UBE2E3: variants seen among roughly 807,000 people sequenced by gnomAD.
UBE2E3 encodes ubiquitin conjugating enzyme E2 E3.
UBE2E3 carries 5 observed loss-of-function variants against 23.6 expected under a neutral mutation model. That is an observed-to-expected ratio of 0.21 (90% confidence interval 0.11 to 0.44). UBE2E3 has a LOEUF of 0.44. UBE2E3 is among the 20% of genes least tolerant of loss of function. The probability of loss-of-function intolerance (pLI) is 0.99; values close to 1 mark genes in which losing one functional copy is unlikely to be tolerated. For synonymous variants in UBE2E3, 78 were observed against 87.5 expected (o/e 0.89, Z 0.60); for missense variants, 81 against 249.8 (o/e 0.32, Z 4.55).
intron 3 of UBE2E3, among the ~76,000 whole-genome samples, chr2:181,019,580 T>A (rs1685608265): frequency 6.6e-6 from 1 of 152,184 alleles, no homozygotes; most frequent in Non-Finnish European, 1.5e-5. Context: ...CATTTGTAAT[T>A]ATCTCAAAAA....
In UBE2E3 at chr2:181,041,234, C is replaced by CAAAAAAAAAAAAAAAAAAAAA. The variant is rs1206207155; in HGVS notation, c.246-16440_246-16439insAAAAAAAAAAAAAAAAAAAAA. 3.4e-4 allele frequency among the ~76,000 whole-genome samples: 26 copies of CAAAAAAAAAAAAAAAAAAAAA among 77,162 alleles called. 3 individuals are homozygous for CAAAAAAAAAAAAAAAAAAAAA. Among genetic ancestry groups the CAAAAAAAAAAAAAAAAAAAAA allele is most frequent in the Admixed American group, 6.7e-4 (4 of 6,004 alleles). The allele number at this position is 77,162 out of a possible 152,430, so 50.6% of individuals were successfully genotyped here. A position where few individuals can be genotyped will look rare whatever the true frequency, so the allele number is the denominator to read the frequency against. Reference sequence around the variant, plus strand: ...CTAACGACAGAGCAAGACTCCGTCTCAAAAAAAAAAAAAAAAAAAGATAGA... The same window carrying CAAAAAAAAAAAAAAAAAAAAA: ...CTAACGACAGAGCAAGACTCCGTCTCAAAAAAAAAAAAAAAAAAAAAAAAAAAAAAAAAAAAAAAAGATAGA... On this transcript the variant is annotated intron_variant, in intron 3 of 5. Transcript: ENST00000410062.
rs963231931 is a variant in UBE2E3, at chr2:180,988,045, A to C, written c.245+3952A>C. On this transcript the variant is annotated intron_variant, in intron 3 of 5. Transcript: ENST00000410062. ...TGTTATTACCTTAGATACATTTTGG[A>C]ATATTTCGGTTCTTCTCCTCAGTTG... 9.2e-5 allele frequency among the ~76,000 whole-genome samples: 14 copies of C among 152,244 alleles called. 1 individual carries two copies. Among genetic ancestry groups the C allele is most frequent in the Admixed American group, 9.2e-4 (14 of 15,276 alleles).
intron 3 of UBE2E3, among the ~76,000 whole-genome samples, chr2:181,001,353 A>G (rs1684985146): frequency 6.6e-6 from 1 of 152,162 alleles, no homozygotes; most frequent in Admixed American, 6.5e-5. Context: ...TTTCGAAAGT[A>G]GAATTTTCGA....
At chr2:180,990,308 C>A (rs1397084213) in intron 3 of UBE2E3, among the ~76,000 whole-genome samples, 1 of 152,182 alleles carries the variant, frequency 6.6e-6, no homozygotes, top group Non-Finnish European at 1.5e-5. Context: ...ATACATAGGA[C>A]AGACCCCCAC....
At chr2:181,002,007 T>G (rs999124726) in intron 3 of UBE2E3, among the ~76,000 whole-genome samples, 1 of 152,182 alleles carries the variant, frequency 6.6e-6, no homozygotes, top group Non-Finnish European at 1.5e-5. Flanking sequence ...CTGTTGCATA[T>G]GGAGATTGAA....
intron 3 of UBE2E3, among the ~76,000 whole-genome samples, chr2:181,041,059 C>G (rs897072614): frequency 6.6e-6 from 1 of 151,784 alleles, no homozygotes; most frequent in African/African-American, 2.4e-5. Context: ...ACCATCCTGG[C>G]CAGCATGATG....
At chr2:180,990,511 T>A (rs1684624158) in intron 3 of UBE2E3, among the ~76,000 whole-genome samples, 1 of 152,238 alleles carries the variant, frequency 6.6e-6, no homozygotes, top group Admixed American at 6.5e-5. Flanking sequence ...CTGCTACTTC[T>A]ATGCGTAGTT....
chr2:181,021,436 C>A (rs1484459135), intron 3 of UBE2E3, among the ~76,000 whole-genome samples: 2 of 135,340 alleles, frequency 1.5e-5, no homozygotes, highest in African/African-American at 5.4e-5. Flanking sequence ...TCCCTTCCTT[C>A]CTTTCTCCCT....
At chr2:180,988,345 G>A (rs1684546022) in intron 3 of UBE2E3, among the ~76,000 whole-genome samples, 1 of 152,140 alleles carries the variant, frequency 6.6e-6, no homozygotes, top group African/African-American at 2.4e-5. Context: ...TTTAATGTCA[G>A]TAAAAGCAGT....
chr2:180,985,885 CAG>C (rs201212158), intron 3 of UBE2E3, among the ~76,000 whole-genome samples: 6,683 of 152,210 alleles, frequency 0.044, 212 homozygotes, highest in Middle Eastern at 0.082. Flanking sequence ...TAAGTGCCCT[CAG>C]AGCAATAGCC....
chr2:180,998,909 T>C (rs1684912355), intron 3 of UBE2E3, among the ~76,000 whole-genome samples: 1 of 152,234 alleles, frequency 6.6e-6, no homozygotes, highest in Non-Finnish European at 1.5e-5. Flanking sequence ...AAATAACTTT[T>C]TTCAATTTAT....
chr2:181,038,001 T>C (rs1274650079), intron 3 of UBE2E3, among the ~76,000 whole-genome samples: 5 of 152,172 alleles, frequency 3.3e-5, no homozygotes, highest in African/African-American at 1.2e-4. Context: ...TAAGCTAAAG[T>C]TAATTTATTA....
At chr2:181,033,552 T>C (rs867966631) in intron 3 of UBE2E3, among the ~76,000 whole-genome samples, 1 of 152,168 alleles carries the variant, frequency 6.6e-6, no homozygotes, top group African/African-American at 2.4e-5. Flanking sequence ...AAGACTTAAA[T>C]ATTAGACCTA....
intron 3 of UBE2E3, chr2:180,987,510 G>A: frequency 8.3e-7 from 1 of 1,205,644 alleles, no homozygotes; most frequent in African/African-American, 1.5e-5. Flanking sequence ...AGATATTTGG[G>A]GGTATTTGTA....
At chr2:181,050,969 G>T (rs1171188447) in intron 3 of UBE2E3, among the ~76,000 whole-genome samples, 2 of 151,714 alleles carry the variant, frequency 1.3e-5, no homozygotes, top group Admixed American at 6.6e-5. Context: ...ATGTATTCTA[G>T]CTTGAACATT....
At chr2:181,035,296 T>C (rs1455343657) in intron 3 of UBE2E3, among the ~76,000 whole-genome samples, 1 of 152,158 alleles carries the variant, frequency 6.6e-6, no homozygotes, top group Non-Finnish European at 1.5e-5. Flanking sequence ...GAACTATTCT[T>C]TCAAGGGTTG....
intron 3 of UBE2E3, among the ~76,000 whole-genome samples, chr2:181,057,052 CA>C (rs1160918715): frequency 6.6e-6 from 1 of 151,402 alleles, no homozygotes; most frequent in Non-Finnish European, 1.5e-5. Flanking sequence ...CTAGATTCTG[CA>C]AAAAACGTTA....
At chr2:181,034,498 A>AGGG (rs1341085520) in intron 3 of UBE2E3, among the ~76,000 whole-genome samples, 1 of 152,198 alleles carries the variant, frequency 6.6e-6, no homozygotes, top group Non-Finnish European at 1.5e-5. Context: ...GGACACAGGA[A>AGGG]GGGGAACATC....
At chr2:181,035,077 C>T (rs61483341) in intron 3 of UBE2E3, among the ~76,000 whole-genome samples, 2 of 151,928 alleles carry the variant, frequency 1.3e-5, no homozygotes, top group African/African-American at 4.8e-5. Context: ...GTAAACTATT[C>T]GGATCACTTA....
Sources: allele counts gnomAD v4.1 joint callset (sites outside exome capture counted in the v4.1 genomes callset), GRCh38; gene constraint gnomAD v4.1.1; transcripts MANE v1.5; gene names NCBI Gene and HGNC (gene_info 2026-07-23, HGNC 2026-07-21).